Variants in ZNF410 observed in about 807,000 individuals in gnomAD.
The protein encoded by ZNF410 is zinc finger protein 410.
In ZNF410, 18 loss-of-function variants were observed where a neutral mutation model predicts 54.8. The ratio of observed to expected loss-of-function variants is 0.33; its 90% confidence interval spans 0.23 to 0.49. The LOEUF (loss-of-function observed/expected upper bound fraction) is 0.49. Ranked by LOEUF, ZNF410 falls within the 20% of genes least tolerant of loss-of-function variation. The pLI is 0.99. For synonymous variants in ZNF410, 191 were observed against 207.3 expected (o/e 0.92, Z 0.68); for missense variants, 405 against 569.6 (o/e 0.71, Z 2.94).
chr14:73,890,046 C>T (rs943428117), intron 1 of ZNF410, among the ~76,000 whole-genome samples: 15 of 152,102 alleles, frequency 9.9e-5, no homozygotes, highest in African/African-American at 2.4e-4. Context: ...CCGCCTGCCT[C>T]GGCCTCCCAA....
Position 73,897,976 on chromosome 14 carries a change from A to AC in ZNF410, c.389-95_389-94insC, listed in dbSNP as rs1228757933. 9.0e-4 allele frequency: 1,044 copies of AC among 1,157,962 alleles called. 7 individuals are homozygous for AC. In the African/African-American group the frequency reaches 0.015, roughly 17 times the overall value. 71.7% of individuals were successfully genotyped at this position (1,157,962 alleles called of 1,614,324 possible). A position where few individuals can be genotyped will look rare whatever the true frequency, so the allele number is the denominator to read the frequency against. ...GACAGAGCGAGACGCCGTCTCAAAAAAAAAAAAAAAAAAAGGGACATGGAG... is the reference window on the plus strand; with the variant it reads ...GACAGAGCGAGACGCCGTCTCAAAAACAAAAAAAAAAAAAAGGGACATGGAG... On this transcript the variant is annotated intron_variant, in intron 4 of 11. Transcript: ENST00000555044.
At chr14:73,896,998 A>T (rs981241696) in intron 4 of ZNF410, among the ~76,000 whole-genome samples, 1 of 152,170 alleles carries the variant, frequency 6.6e-6, no homozygotes, top group African/African-American at 2.4e-5. Flanking sequence ...GGACCCTGGG[A>T]AAAAACATTT....
At chr14:73,907,066 A>G (rs1419616545) in intron 7 of ZNF410, among the ~76,000 whole-genome samples, 2 of 152,192 alleles carry the variant, frequency 1.3e-5, no homozygotes, top group African/African-American at 4.8e-5. Flanking sequence ...ACATTATCTC[A>G]TTTAATCTTT....
intron 11 of ZNF410, among the ~76,000 whole-genome samples, chr14:73,930,104 C>A (rs1272084039): frequency 1.3e-5 from 2 of 152,126 alleles, no homozygotes; most frequent in Non-Finnish European, 2.9e-5. Context: ...AGAATGCTTT[C>A]CAAATCAAGG....
At chr14:73,902,697 A>C (rs1356304205) in intron 5 of ZNF410, among the ~76,000 whole-genome samples, 1 of 152,236 alleles carries the variant, frequency 6.6e-6, no homozygotes, top group Non-Finnish European at 1.5e-5. Flanking sequence ...TGCTCATGGC[A>C]GAATTAAATG....
intron 1 of ZNF410, among the ~76,000 whole-genome samples, chr14:73,890,020 C>T (rs1244384896): frequency 1.3e-5 from 2 of 152,076 alleles, no homozygotes; most frequent in African/African-American, 4.8e-5. Flanking sequence ...TGGTCTCAAT[C>T]TCCTGACCTT....
chr14:73,912,344 A>G (rs755610405), intron 8 of ZNF410, among the ~76,000 whole-genome samples: 2 of 151,218 alleles, frequency 1.3e-5, no homozygotes, highest in Non-Finnish European at 2.9e-5. Flanking sequence ...TAATTTTTGT[A>G]TTTTTACTAG....
At chr14:73,916,275 G>C (rs1342265496) in intron 8 of ZNF410, 2 of 152,162 alleles carry the variant, frequency 1.3e-5, no homozygotes, top group Non-Finnish European at 2.9e-5. Flanking sequence ...TGGCCTCCCT[G>C]GTTCAAGTGA....
chr14:73,918,686 CTTTTTTTTTTTTT>C lies in ZNF410; in HGVS notation c.1004-2278_1004-2266del, dbSNP rs71115932. On this transcript the variant is annotated intron_variant, in intron 8 of 11. Transcript: ENST00000555044. ...GCCTGTTCTGGACATTTCATATGGC[CTTTTTTTTTTTTT>C]TTTTTTTTTTTTTTTCCCCTAAACG... is the stretch of plus-strand genomic sequence containing the variant. Among the ~76,000 whole-genome samples the C allele has an allele frequency of 3.4e-3, 251 of 74,644 alleles. 1 individual carries two copies. The highest frequency in any genetic ancestry group is 0.012 in the South Asian group (18 of 1,558). 49.0% of individuals were successfully genotyped at this position (74,644 alleles called of 152,430 possible).
At chr14:73,889,028 T>C (rs77238174) in intron 1 of ZNF410, among the ~76,000 whole-genome samples, 9,625 of 152,260 alleles carry the variant, frequency 0.063, 412 homozygotes, top group African/African-American at 0.12. Flanking sequence ...ATGTCATAGA[T>C]AACATAAAAA....
intron 2 of ZNF410, among the ~76,000 whole-genome samples, chr14:73,892,584 T>A (rs952468825): frequency 3.9e-5 from 6 of 152,068 alleles, no homozygotes; most frequent in Admixed American, 6.6e-5. Context: ...TATCTGTAAG[T>A]ATTTTCTTTC....
intron 8 of ZNF410, chr14:73,914,044 T>G (rs2055626081): frequency 6.6e-6 from 1 of 152,306 alleles, no homozygotes; most frequent in African/African-American, 2.4e-5. Flanking sequence ...CCTTTCTTTC[T>G]TGCTTTTTTT....
Position 73,929,307 on chromosome 14 carries a change from C to T in ZNF410, c.1399-2196C>T, listed in dbSNP as rs933025838. Among the ~76,000 whole-genome samples the T allele has an allele frequency of 2.6e-5, 4 of 151,954 alleles. No individual in the cohort carries two copies. In the East Asian group the frequency reaches 7.7e-4, roughly 29 times the overall value. On this transcript the variant is annotated intron_variant, in intron 11 of 11. Coordinates refer to ENST00000555044, the MANE Select transcript of ZNF410 (RefSeq NM_021188.3). ...CCCTCAGGGTTCCAGGCTTAGGCCT[C>T]TTCCTCATCCAAGGTCTAGGTAATA...
chr14:73,920,888 G>GT, intron 8 of ZNF410, 92 bp from the exon 9 acceptor site: 1 of 1,537,000 alleles, frequency 6.5e-7, no homozygotes, highest in Non-Finnish European at 8.9e-7. Context: ...CTTATGTTCA[G>GT]TTTAACATTC....
At chr14:73,899,539 T>G (rs2140300544) in intron 5 of ZNF410, among the ~76,000 whole-genome samples, 1 of 152,300 alleles carries the variant, frequency 6.6e-6, no homozygotes, top group Non-Finnish European at 1.5e-5. Flanking sequence ...TATGTGCCAA[T>G]CTCCAGATGC....
At chr14:73,922,419 GA>G in intron 10 of ZNF410, 1 of 372,856 alleles carries the variant, frequency 2.7e-6, no homozygotes, top group Non-Finnish European at 4.6e-6. Context: ...AGAATAAAAA[GA>G]AAAAATTCTT....
intron 3 of ZNF410, chr14:73,896,101 A>G: frequency 1.8e-6 from 1 of 545,500 alleles, no homozygotes; most frequent in Non-Finnish European, 3.2e-6. Context: ...GCCAAGTGAC[A>G]GAGAATTCTG....
At chr14:73,922,591 C>T (rs1356237601) in intron 10 of ZNF410, 1 of 154,596 alleles carries the variant, frequency 6.5e-6, no homozygotes, top group African/African-American at 2.4e-5. Flanking sequence ...AAAGCCATAT[C>T]TTCTGGAGAA....
intron 5 of ZNF410, among the ~76,000 whole-genome samples, chr14:73,899,649 C>T (rs1049479908): frequency 6.6e-6 from 1 of 152,070 alleles, no homozygotes; most frequent in African/African-American, 2.4e-5. Context: ...AATCTGGGAG[C>T]CCTGGGATCC....
Sources: gnomAD v4.1 joint callset for allele counts (sites outside exome capture counted in the v4.1 genomes callset) on GRCh38, gnomAD v4.1.1 for gene constraint, MANE v1.5 for transcripts, NCBI Gene and HGNC (gene_info 2026-07-23, HGNC 2026-07-21) for gene names.